Variants in SYN3 observed in about 807,000 individuals in gnomAD.
SYN3 encodes the protein synapsin-3.
Under a neutral mutation model 65.8 loss-of-function variants are expected in SYN3, and 35 were observed. The observed-to-expected ratio is 0.53, with a 90% CI of 0.41 to 0.70. The LOEUF is 0.70. SYN3 is among the 30% of genes least tolerant of loss of function. The pLI, the probability that SYN3 is intolerant of heterozygous loss-of-function variation, is 0.00. For missense variants in SYN3, 680 were observed against 749.0 expected, an observed-to-expected ratio of 0.91 and a Z score of 1.08; for synonymous variants, 270 against 292.9, an observed-to-expected ratio of 0.92 and a Z score of 0.80.
In SYN3 at chr22:32,647,451, C is replaced by CT. The variant is rs58987529; in HGVS notation, c.712-50716dup. 6.5e-3 allele frequency among the ~76,000 whole-genome samples: 934 copies of CT among 144,800 alleles called. 10 individuals carry two copies. Among genetic ancestry groups the CT allele is most frequent in the Admixed American group, 0.026 (375 of 14,448 alleles). 95.0% of individuals were successfully genotyped at this position (144,800 alleles called of 152,430 possible). A position where few individuals can be genotyped will look rare whatever the true frequency, so the allele number is the denominator to read the frequency against. On this transcript the variant is annotated intron_variant, in intron 6 of 13. Transcript: ENST00000358763. The stretch of plus-strand genomic sequence containing the variant: ...TTCTAGCTTTGAGATTTTTCTTTTT[C>CT]TTTTTTTTTTTTTGAGACAGGGTCT...
chr22:32,728,088 C>A (rs1034761054), intron 6 of SYN3, among the ~76,000 whole-genome samples: 1 of 152,174 alleles, frequency 6.6e-6, no homozygotes, highest in Non-Finnish European at 1.5e-5. Context: ...CAAAAATCAA[C>A]TCAAGATGGA....
chr22:32,934,393 G>A (rs1408706539), intron 3 of SYN3, among the ~76,000 whole-genome samples: 1 of 152,194 alleles, frequency 6.6e-6, no homozygotes, highest in Non-Finnish European at 1.5e-5. Context: ...GGTTCATCTT[G>A]TTCAGATGTG....
At chr22:32,584,526 A>G (rs1408028733) in intron 7 of SYN3, among the ~76,000 whole-genome samples, 1 of 152,248 alleles carries the variant, frequency 6.6e-6, no homozygotes, top group Non-Finnish European at 1.5e-5. Context: ...AAAACAGAGA[A>G]AAGAAAAAAG....
chr22:32,535,786 G>C (rs529995095), intron 9 of SYN3, among the ~76,000 whole-genome samples: 12 of 152,072 alleles, frequency 7.9e-5, no homozygotes, highest in African/African-American at 2.6e-4. Context: ...AGAATCGGGG[G>C]GGGGGCCCTG....
At chr22:32,567,318 G>A (rs1005824545) in intron 7 of SYN3, among the ~76,000 whole-genome samples, 1 of 137,592 alleles carries the variant, frequency 7.3e-6, no homozygotes, top group Non-Finnish European at 1.6e-5. Flanking sequence ...CGATGACGGA[G>A]ATCCTCCCTC....
chr22:32,755,898 A>T (rs1334469441), intron 6 of SYN3, among the ~76,000 whole-genome samples: 1 of 152,198 alleles, frequency 6.6e-6, no homozygotes, highest in Non-Finnish European at 1.5e-5. Flanking sequence ...GCCATAAAAA[A>T]GAATGAGTCC....
intron 6 of SYN3, among the ~76,000 whole-genome samples, chr22:32,836,033 TTAG>T (rs2047720303): frequency 6.6e-6 from 1 of 152,240 alleles, no homozygotes; most frequent in African/African-American, 2.4e-5. Flanking sequence ...TGTTAAATAT[TTAG>T]TAGTAGAAAG....
chr22:33,006,376 ACCAACAG>A lies in SYN3; in HGVS notation c.280_286del (p.Leu94Ter). 1 of 1,613,138 alleles carries A rather than the reference ACCAACAG, an allele frequency of 6.2e-7. No homozygotes were observed. Among genetic ancestry groups the A allele is most frequent in the Non-Finnish European group, 8.5e-7 (1 of 1,179,480 alleles). ...CCAGTCTGTATGGGCATCATCGATC[ACCAACAG>A]GATCCTGGGTCTTTGAACAATGGGC... On this transcript the variant is annotated frameshift_variant, in exon 2 of 14. Coordinates refer to ENST00000358763, the MANE Select transcript of SYN3 (RefSeq NM_003490.4). LOFTEE classifies it high-confidence loss of function.
intron 6 of SYN3, among the ~76,000 whole-genome samples, chr22:32,744,628 G>A (rs1317373876): frequency 6.6e-6 from 1 of 152,190 alleles, no homozygotes. Context: ...TCAAGTCCAT[G>A]CTTTCACCCA....
chr22:32,994,622 T>C (rs2052824922), intron 2 of SYN3, among the ~76,000 whole-genome samples: 1 of 152,118 alleles, frequency 6.6e-6, no homozygotes, highest in South Asian at 2.1e-4. Context: ...CAGAGAGTTG[T>C]GTGTCTCCAC....
chr22:32,756,294 C>G (rs4635627), intron 6 of SYN3, among the ~76,000 whole-genome samples: 128,943 of 152,008 alleles, frequency 0.85, 55,196 homozygotes, highest in African/African-American at 0.96. Context: ...TTTATAGAGG[C>G]ATAGCATTAG....
At chr22:32,615,426 T>C in intron 6 of SYN3, among the ~76,000 whole-genome samples, 1 of 38,236 alleles carries the variant, frequency 2.6e-5, no homozygotes, top group Non-Finnish European at 4.8e-5. Context: ...AGAGCAAGAC[T>C]TCATCTAAAA....
intron 2 of SYN3, among the ~76,000 whole-genome samples, chr22:32,986,263 G>C (rs1056415278): frequency 3.3e-5 from 5 of 152,166 alleles, no homozygotes; most frequent in Admixed American, 3.3e-4. Context: ...ACTGCGATGT[G>C]GGGGTGTGTA....
intron 1 of SYN3, among the ~76,000 whole-genome samples, chr22:33,011,885 TTATGATTCC>T (rs1457439326): frequency 6.6e-6 from 1 of 152,202 alleles, no homozygotes; most frequent in Non-Finnish European, 1.5e-5. Context: ...CTGTAGGATC[TTATGATTCC>T]TCCTGATATT....
At chr22:32,881,136 C>T (rs773955856) in intron 4 of SYN3, among the ~76,000 whole-genome samples, 3 of 152,196 alleles carry the variant, frequency 2.0e-5, no homozygotes, top group African/African-American at 4.8e-5. Flanking sequence ...CATTATTCAT[C>T]GGAGAGATAA....
intron 6 of SYN3, among the ~76,000 whole-genome samples, chr22:32,772,181 G>A (rs942866333): frequency 1.3e-5 from 2 of 151,280 alleles, no homozygotes; most frequent in East Asian, 1.9e-4. Context: ...CTGGGCCACA[G>A]GGGGGGAGAA....
At chr22:32,689,649 A>C (rs1224098685) in intron 6 of SYN3, among the ~76,000 whole-genome samples, 1 of 152,122 alleles carries the variant, frequency 6.6e-6, no homozygotes, top group African/African-American at 2.4e-5. Flanking sequence ...AGTGTTTTTT[A>C]ATAGTGAGGA....
At chr22:32,643,946 C>T (rs780786205) in intron 6 of SYN3, among the ~76,000 whole-genome samples, 30 of 151,030 alleles carry the variant, frequency 2.0e-4, no homozygotes, top group Non-Finnish European at 2.2e-4. Flanking sequence ...AAAAAATTAG[C>T]TGGGCACCTG....
chr22:33,025,368 C>T (rs781571949), intron 1 of SYN3, among the ~76,000 whole-genome samples: 10 of 147,832 alleles, frequency 6.8e-5, no homozygotes, highest in Non-Finnish European at 1.2e-4. Flanking sequence ...GCAGAAGAAT[C>T]GCTTGAACCC....
Sources: gnomAD v4.1 joint callset for allele counts (sites outside exome capture counted in the v4.1 genomes callset) on GRCh38, gnomAD v4.1.1 for gene constraint, MANE v1.5 for transcripts, NCBI Gene and HGNC (gene_info 2026-07-23, HGNC 2026-07-21) for gene names.